Variants in FAM3D observed in about 807,000 individuals in gnomAD.
FAM3D encodes protein FAM3D.
FAM3D carries 26 observed loss-of-function variants against 29.8 expected under a neutral mutation model. The ratio of observed to expected loss-of-function variants is 0.87; its 90% CI spans 0.64 to 1.21. The LOEUF is 1.21. Ranked by LOEUF, FAM3D falls within the 50% of genes most tolerant of loss-of-function variation. FAM3D has a pLI of 0.00. For synonymous variants in FAM3D, 115 were observed against 102.3 expected (o/e 1.12, Z -0.75); for missense variants, 253 against 290.9 (o/e 0.87, Z 0.95).
intron 7 of FAM3D, among the ~76,000 whole-genome samples, chr3:58,638,434 T>C (rs2066237218): frequency 6.6e-6 from 1 of 152,106 alleles, no homozygotes; most frequent in Non-Finnish European, 1.5e-5. Context: ...TGAGGATGAG[T>C]AACAGCCCTG....
intron 7 of FAM3D, 82 bp downstream of exon 7, chr3:58,640,045 C>A: frequency 6.7e-7 from 1 of 1,490,346 alleles, no homozygotes; most frequent in Non-Finnish European, 9.4e-7. Context: ...CCTCGAGCCA[C>A]CAGGTCCCTT....
At chr3:58,658,617 C>G (rs2066869958) in intron 1 of FAM3D, among the ~76,000 whole-genome samples, 2 of 152,210 alleles carry the variant, frequency 1.3e-5, no homozygotes, top group Admixed American at 6.5e-5. Flanking sequence ...AGTCAAGGTT[C>G]AACACCTACC....
At chr3:58,665,858 T>G (rs796793778) in intron 1 of FAM3D, among the ~76,000 whole-genome samples, 10 of 152,366 alleles carry the variant, frequency 6.6e-5, no homozygotes, top group African/African-American at 2.4e-4. Flanking sequence ...TTTTATGTAC[T>G]TCAGTGATGA....
At chr3:58,657,691 G>C (rs1416889582) in intron 1 of FAM3D, 1 of 152,402 alleles carries the variant, frequency 6.6e-6, no homozygotes, top group East Asian at 1.9e-4. Flanking sequence ...CACCTGCAGA[G>C]CTACCTGGTG....
chr3:58,654,538 G>A lies in FAM3D; in HGVS notation c.14-757C>T, dbSNP rs76897722. Among the ~76,000 whole-genome samples, 666 of 152,244 alleles carry A rather than the reference G, an allele frequency of 4.4e-3. 10 individuals carry two copies. The highest frequency in any genetic ancestry group is 0.015 in the African/African-American group (637 of 41,528). On this transcript the variant is annotated intron_variant, in intron 2 of 9. Transcript: ENST00000358781. ...GGGGAACAACCCCACACATGGGGAC[G>A]AGCCACCTGGAGTTCCCTTTCTTTA...
At chr3:58,651,302 A>C (rs1367427552) in intron 3 of FAM3D, among the ~76,000 whole-genome samples, 1 of 152,248 alleles carries the variant, frequency 6.6e-6, no homozygotes, top group Non-Finnish European at 1.5e-5. Flanking sequence ...ATATCAGTGC[A>C]TTAAATAATA....
At chr3:58,651,518 C>T (rs1486177766) in intron 3 of FAM3D, among the ~76,000 whole-genome samples, 1 of 152,182 alleles carries the variant, frequency 6.6e-6, no homozygotes, top group Non-Finnish European at 1.5e-5. Context: ...CTTTCTCTGA[C>T]TCAGACCATG....
At chr3:58,651,297 A>G (rs1049476714) in intron 3 of FAM3D, among the ~76,000 whole-genome samples, 1 of 152,258 alleles carries the variant, frequency 6.6e-6, no homozygotes, top group Non-Finnish European at 1.5e-5. Flanking sequence ...CTTCTATATC[A>G]GTGCATTAAA....
At chr3:58,643,931 A>T (rs2066406322) in intron 5 of FAM3D, among the ~76,000 whole-genome samples, 1 of 152,168 alleles carries the variant, frequency 6.6e-6, no homozygotes, top group Admixed American at 6.5e-5. Flanking sequence ...GGACCAGAAC[A>T]ACCTGCTCAG....
chr3:58,648,177 C>G (rs1400559364), intron 4 of FAM3D, among the ~76,000 whole-genome samples: 1 of 152,218 alleles, frequency 6.6e-6, no homozygotes, highest in East Asian at 1.9e-4. Flanking sequence ...CTGTGACACT[C>G]TGTGTCCACT....
At chr3:58,639,203 G>A (rs538239053) in intron 7 of FAM3D, among the ~76,000 whole-genome samples, 2 of 152,278 alleles carry the variant, frequency 1.3e-5, no homozygotes, top group African/African-American at 4.8e-5. Context: ...AGAGGGGAGC[G>A]AAGGGGAAGA....
intron 3 of FAM3D, chr3:58,649,559 A>G (rs538058410): frequency 1.2e-5 from 7 of 591,922 alleles, no homozygotes; most frequent in Non-Finnish European, 2.1e-5. Flanking sequence ...GCACACACAT[A>G]TACACATGCA....
intron 1 of FAM3D, among the ~76,000 whole-genome samples, chr3:58,663,558 C>T (rs1413844759): frequency 1.3e-5 from 2 of 152,316 alleles, no homozygotes; most frequent in East Asian, 3.9e-4. Flanking sequence ...ACTACAGTTA[C>T]ATCTGCAAGA....
At position 58,643,654 on chromosome 3, in the gene FAM3D, C is replaced by A. The variant is rs2066396348; in HGVS notation, c.322+8G>T. ...TGGGAACTGTCTGGGGATGGATATG[C>A]AACTCACCATTCACCAGGGCGATGT... On this transcript the variant is annotated splice_region_variant and intron_variant, in intron 6 of 9. Coordinates refer to ENST00000358781, the MANE Select transcript of FAM3D (RefSeq NM_138805.3). The A allele has an allele frequency of 6.2e-7, 1 of 1,613,374 alleles. No individual in the cohort carries two copies. The highest frequency in any genetic ancestry group is 1.3e-5 in the African/African-American group (1 of 75,040).
chr3:58,661,716 C>G (rs112724588), intron 1 of FAM3D, among the ~76,000 whole-genome samples: 1 of 152,142 alleles, frequency 6.6e-6, no homozygotes, highest in Non-Finnish European at 1.5e-5. Context: ...ATGGCCATCA[C>G]GATCTCTAAT....
chr3:58,638,005 C>A (rs1008525906), intron 7 of FAM3D, among the ~76,000 whole-genome samples: 1 of 152,304 alleles, frequency 6.6e-6, no homozygotes, highest in Non-Finnish European at 1.5e-5. Context: ...CTGCCTCAGC[C>A]TTCCAAGTAG....
intron 4 of FAM3D, 39 bp downstream of exon 4, chr3:58,649,276 A>T: frequency 3.1e-6 from 5 of 1,605,120 alleles, no homozygotes; most frequent in Non-Finnish European, 4.3e-6. Flanking sequence ...GGGTGAGTGG[A>T]TGAGGTCGGG....
At chr3:58,653,458 A>G (rs561582744) in intron 3 of FAM3D, among the ~76,000 whole-genome samples, 3 of 151,872 alleles carry the variant, frequency 2.0e-5, no homozygotes, top group Non-Finnish European at 4.4e-5. Flanking sequence ...ATGTGGGCAC[A>G]TGTGTTGCCC....
At chr3:58,654,745 A>T (rs1306580625) in intron 2 of FAM3D, among the ~76,000 whole-genome samples, 2 of 146,710 alleles carry the variant, frequency 1.4e-5, no homozygotes, top group African/African-American at 5.2e-5. Flanking sequence ...CTAGTCTCTG[A>T]CTACTCAGGC....
Sources: allele counts gnomAD v4.1 joint callset (sites outside exome capture counted in the v4.1 genomes callset), GRCh38; gene constraint gnomAD v4.1.1; transcripts MANE v1.5; gene names NCBI Gene and HGNC (gene_info 2026-07-23, HGNC 2026-07-21).